Variants in PALD1 observed in about 807,000 individuals in gnomAD.
PALD1 encodes the protein phosphatase domain containing paladin 1, also known as paladin.
Under a neutral mutation model 96.0 loss-of-function variants are expected in PALD1, and 57 were observed. The ratio of observed to expected loss-of-function variants is 0.59; its 90% CI spans 0.48 to 0.74. The LOEUF (loss-of-function observed/expected upper bound fraction) is 0.74. Among genes scored for constraint, PALD1 ranks in the 30% least tolerant of loss-of-function variants. The pLI is 0.00. For synonymous variants in PALD1, 464 were observed against 473.6 expected (o/e 0.98, Z 0.26); for missense variants, 1,063 against 1,143.7 (o/e 0.93, Z 1.02).
rs1302588998 is a variant in PALD1 at position 70,539,091 on chromosome 10, G to C, written c.1570-1G>C. The C allele has an allele frequency of 6.2e-7, 1 of 1,613,856 alleles. No individual in the cohort carries two copies. Among genetic ancestry groups the C allele is most frequent in the Admixed American group, 1.7e-5 (1 of 60,008 alleles). On this transcript the variant is annotated splice_acceptor_variant, in intron 13 of 19. Coordinates refer to ENST00000263563, the MANE Select transcript of PALD1 (RefSeq NM_014431.3). LOFTEE classifies it high-confidence loss of function. The surrounding 1 kb of genome is among the most constrained non-coding windows in gnomAD (Gnocchi z 4.5). ...CTCACTGCCGGCCCTCCTGTGCCCA[G>C]GCCCTGGGGAGCATCCTGGCCTACC...
chr10:70,467,621 G>A, the PALD1 span, among the ~76,000 whole-genome samples: 13 of 152,226 alleles, frequency 8.5e-5, no homozygotes, highest in Non-Finnish European at 1.5e-5. Flanking sequence ...GTATACAAGA[G>A]CTCTGGAGTC....
chr10:70,492,950 TC>T (rs1278496553), intron 1 of PALD1, among the ~76,000 whole-genome samples: 1 of 152,136 alleles, frequency 6.6e-6, no homozygotes, highest in Non-Finnish European at 1.5e-5. Flanking sequence ...CAACCCAGGG[TC>T]CTGCATCACC....
At chr10:70,542,141 C>T (rs1057066712) in intron 17 of PALD1, among the ~76,000 whole-genome samples, 4 of 152,192 alleles carry the variant, frequency 2.6e-5, no homozygotes, top group Admixed American at 2.0e-4. Flanking sequence ...CCCCTGCCCT[C>T]GCCCCAGTCC....
intron 17 of PALD1, among the ~76,000 whole-genome samples, chr10:70,545,074 C>T (rs868040463): frequency 4.0e-5 from 6 of 151,588 alleles, no homozygotes; most frequent in Non-Finnish European, 7.4e-5. Flanking sequence ...CTCCAGGTGC[C>T]GGCAGAAAGC....
rs1284837683 is a variant in PALD1 at position 70,547,394 on chromosome 10, T to C, written c.2210T>C (p.Met737Thr). The change falls in exon 18 of 20, where the codon ATG becomes ACG. Residue 737 changes from methionine to threonine, a missense_variant. Transcript: ENST00000263563. ...GCGCTGGACACTGTCAGCGAGACCA[T>C]GACGCCCATGCACTACCACCTGCGG... ...DAALDTVSET[M>T]TPMHYHLREI... 6.2e-7 allele frequency: 1 copy of C among 1,613,204 alleles called. No homozygotes were observed.
At chr10:70,487,777 T>C (rs1192095719) in intron 1 of PALD1, among the ~76,000 whole-genome samples, 2 of 152,200 alleles carry the variant, frequency 1.3e-5, no homozygotes, top group East Asian at 1.9e-4. Context: ...GTGTGCACTT[T>C]GGTGAATGTC....
In PALD1 at chr10:70,533,922, G is replaced by A. The variant is rs1847050804; in HGVS notation, c.871G>A (p.Glu291Lys). 1 of 1,585,420 alleles carries A rather than the reference G, an allele frequency of 6.3e-7. No homozygotes were observed. Among genetic ancestry groups the A allele is most frequent in the Non-Finnish European group, 8.6e-7 (1 of 1,164,452 alleles). The change falls in exon 8 of 20, where the codon GAG becomes AAG. Residue 291 changes from glutamate (E) to lysine (K), a missense_variant and splice_region_variant. Glu to Lys is a moderately conservative substitution (Grantham distance 56). Transcript: ENST00000263563. ...QLDAFVSVLR[E>K]TPSLLQLRDA... The stretch of plus-strand genomic sequence containing the variant: ...GCCTGATCCTCATGGTCTTTCCCAG[G>A]AGACCCCCAGCCTGCTGCAGCTCCG...
chr10:70,473,218 A>T, the PALD1 span, among the ~76,000 whole-genome samples: 3 of 152,202 alleles, frequency 2.0e-5, no homozygotes, highest in East Asian at 5.8e-4. Context: ...CTTCCCCAGC[A>T]CCCTGGCCCC....
At chr10:70,533,628 C>T (rs748871583) in intron 7 of PALD1, among the ~76,000 whole-genome samples, 1 of 152,212 alleles carries the variant, frequency 6.6e-6, no homozygotes, top group Non-Finnish European at 1.5e-5. Flanking sequence ...TCTCCAGCCC[C>T]CTTCAGGGCA....
chr10:70,462,734 G>C, the PALD1 span, among the ~76,000 whole-genome samples: 1 of 152,256 alleles, frequency 6.6e-6, no homozygotes, highest in Non-Finnish European at 1.5e-5. Flanking sequence ...CCATTGGCTT[G>C]GCAAGACAGG....
chr10:70,546,812 G>A (rs1029713564), intron 17 of PALD1, among the ~76,000 whole-genome samples: 4 of 152,190 alleles, frequency 2.6e-5, no homozygotes, highest in African/African-American at 4.8e-5. Context: ...TTAGCCAGGC[G>A]TGGTGGCATG....
At chr10:70,465,079 A>G in the PALD1 span, among the ~76,000 whole-genome samples, 1 of 151,560 alleles carries the variant, frequency 6.6e-6, no homozygotes, top group Non-Finnish European at 1.5e-5. Flanking sequence ...GGTTCACATC[A>G]TTCTCCTGCC....
upstream of PALD1, among the ~76,000 whole-genome samples, chr10:70,473,902 C>T (rs200987227): frequency 0.073 from 9,105 of 124,690 alleles, 998 homozygotes; most frequent in East Asian, 0.54. Flanking sequence ...CCCCCCCCCC[C>T]TCAGCCTCCC....
In PALD1 at chr10:70,517,364, T is replaced by C. The variant is rs1388910851; in HGVS notation, c.-29-8559T>C. The stretch of plus-strand genomic sequence containing the variant: ...TTCATTTTTTTTTTTTTTTTTGAGA[T>C]GGAGTCTTGCTCTGTCACCCAGGCT... On this transcript the variant is annotated intron_variant, in intron 1 of 19. Transcript: ENST00000263563. 2.7e-5 allele frequency among the ~76,000 whole-genome samples: 4 copies of C among 149,136 alleles called. No individual in the cohort carries two copies. The East Asian group carries it at 7.8e-4, about 29-fold the overall frequency.
At chr10:70,495,644 G>C (rs1476473877) in intron 1 of PALD1, among the ~76,000 whole-genome samples, 1 of 152,052 alleles carries the variant, frequency 6.6e-6, no homozygotes, top group Non-Finnish European at 1.5e-5. Context: ...GGGATGGGAA[G>C]GGCATAAGCG....
At chr10:70,500,259 A>G (rs1338601413) in intron 1 of PALD1, among the ~76,000 whole-genome samples, 2 of 152,058 alleles carry the variant, frequency 1.3e-5, no homozygotes, top group Admixed American at 1.3e-4. Context: ...CCAGAGCAGT[A>G]CCCACCCTGT....
chr10:70,517,514 G>T (rs969609168), intron 1 of PALD1, among the ~76,000 whole-genome samples: 3 of 151,646 alleles, frequency 2.0e-5, no homozygotes, highest in African/African-American at 7.3e-5. Context: ...GCAAATTTTT[G>T]TGTATTTAGT....
chr10:70,468,008 C>A, the PALD1 span, among the ~76,000 whole-genome samples: 1 of 152,136 alleles, frequency 6.6e-6, no homozygotes, highest in Admixed American at 6.5e-5. Flanking sequence ...CTTGTGATTA[C>A]GCACAAGGCA....
At chr10:70,520,851 C>A (rs1235973036) in intron 1 of PALD1, among the ~76,000 whole-genome samples, 1 of 151,818 alleles carries the variant, frequency 6.6e-6, no homozygotes, top group African/African-American at 2.4e-5. Context: ...GCCAGCACAC[C>A]CGGCTAATTT....
Sources: gnomAD v4.1 joint callset for allele counts (sites outside exome capture counted in the v4.1 genomes callset) on GRCh38, gnomAD v4.1.1 for gene constraint, Gnocchi (gnomAD v3.1) non-coding constraint, MANE v1.5 for transcripts, NCBI Gene and HGNC (gene_info 2026-07-23, HGNC 2026-07-21) for gene names.